Variants in CCDC136 observed in about 807,000 individuals in gnomAD.
The protein encoded by CCDC136 is coiled-coil domain containing 136, also known as coiled-coil domain-containing protein 136.
In CCDC136, 100 loss-of-function variants were observed where a neutral mutation model predicts 141.2. The observed-to-expected ratio is 0.71, with a 90% confidence interval of 0.60 to 0.84. The LOEUF is 0.84. CCDC136 is among the 40% of genes least tolerant of loss of function. The pLI, the probability that CCDC136 is intolerant of heterozygous loss-of-function variation, is 0.00. For synonymous variants in CCDC136, 474 were observed against 531.9 expected, an observed-to-expected ratio of 0.89 and a Z score of 1.50; for missense variants, 1,206 against 1,379.4, an observed-to-expected ratio of 0.87 and a Z score of 1.99.
Position 128,807,495 on chromosome 7 carries a change from C to T in CCDC136, c.1555C>T (p.Leu519Phe), listed in dbSNP as rs1165071082. The change falls in exon 10 of 18, where the codon CTC (leucine) becomes TTC (phenylalanine). Residue 519 changes from leucine (L) to phenylalanine (F), a missense_variant. Physicochemically the swap from Leu to Phe is conservative, Grantham distance 22. Coordinates refer to ENST00000297788, the MANE Select transcript of CCDC136 (RefSeq NM_022742.5). ...LLLCQLELKE[L>F]KASHPIPEDK... is the part of the protein sequence containing the mutation. ...GCTCTGCCAGCTGGAGCTGAAAGAG[C>T]TCAAGGCCTCCCACCCCATTCCGGA... The T allele has an allele frequency of 3.3e-6, 5 of 1,531,372 alleles. No individual in the cohort carries two copies. The highest frequency in any genetic ancestry group is 2.1e-5 in the Admixed American group (1 of 47,952). 94.9% of individuals were successfully genotyped at this position (1,531,372 alleles called of 1,614,324 possible).
intron 10 of CCDC136, among the ~76,000 whole-genome samples, chr7:128,808,156 C>T (rs985701674): frequency 1.1e-4 from 16 of 152,340 alleles, no homozygotes; most frequent in African/African-American, 3.6e-4. Context: ...CCTATCTCAG[C>T]CTCCCAAGTA....
At chr7:128,813,608 C>A (rs1299402457) in intron 14 of CCDC136, among the ~76,000 whole-genome samples, 1 of 152,182 alleles carries the variant, frequency 6.6e-6, no homozygotes, top group Non-Finnish European at 1.5e-5. Context: ...CCAGTACACA[C>A]TTCAGGAGTG....
At chr7:128,806,634 G>C in intron 8 of CCDC136, 54 bp from the exon 9 acceptor site, 1 of 1,524,064 alleles carries the variant, frequency 6.6e-7, no homozygotes, top group Admixed American at 2.0e-5. Flanking sequence ...TCACACAGAA[G>C]AGTGAGTGGG....
Position 128,794,394 on chromosome 7 carries a change from AGAG to A in CCDC136, c.69_71del (p.Glu26del), listed in dbSNP as rs768765556. 2.6e-4 allele frequency: 403 copies of A among 1,554,434 alleles called. 1 individual carries two copies. In the African/African-American group the frequency reaches 4.9e-3, roughly 19 times the overall value. On this transcript the variant is annotated inframe_deletion, in exon 2 of 18. Coordinates refer to ENST00000297788, the MANE Select transcript of CCDC136 (RefSeq NM_022742.5). This position sits in a 1 kb window ranked among gnomAD's most constrained non-coding sequence, Gnocchi z 4.3. ...TCTATGAGGAGGAAGAGGAAGAGGA[AGAG>A]GAGGAAGAAGAGGTGGAAGAAGAAG...
chr7:128,805,558 T>C lies in CCDC136; in HGVS notation c.948+34T>C. 6.4e-7 allele frequency: 1 copy of C among 1,571,582 alleles called. No homozygotes were observed. The highest frequency in any genetic ancestry group is 8.6e-7 in the Non-Finnish European group (1 of 1,157,482). Reference sequence around the variant, plus strand: ...CAGAGGGTGGGGAAGGCAGGCACATTTCTTGTCTTTCTTTCACCTTCTCCC... The same window carrying C: ...CAGAGGGTGGGGAAGGCAGGCACATCTCTTGTCTTTCTTTCACCTTCTCCC... On this transcript the variant is annotated intron_variant, in intron 6 of 17. Transcript: ENST00000297788. This position sits in a 1 kb window ranked among gnomAD's most constrained non-coding sequence, Gnocchi z 4.6.
At chr7:128,816,154 C>A (rs1806597767) in intron 16 of CCDC136, among the ~76,000 whole-genome samples, 1 of 152,258 alleles carries the variant, frequency 6.6e-6, no homozygotes, top group South Asian at 2.1e-4. Flanking sequence ...AACCACCTCA[C>A]AATGACCACC....
At position 128,794,669 on chromosome 7, in the gene CCDC136, G is replaced by A; in HGVS notation, c.272-25G>A. 16 of 1,546,364 alleles carry A rather than the reference G, an allele frequency of 1.0e-5. No homozygotes were observed. The highest frequency in any genetic ancestry group is 1.4e-5 in the Non-Finnish European group (16 of 1,143,976). ...TCTGCACTCCCCTGGATCCGAGCTT[G>A]ACACTGGTGCCCCTCTCCCTGCAGG... On this transcript the variant is annotated intron_variant, in intron 2 of 17. Coordinates refer to ENST00000297788, the MANE Select transcript of CCDC136 (RefSeq NM_022742.5). The surrounding 1 kb of genome is among the most constrained non-coding windows in gnomAD (Gnocchi z 4.3).
At chr7:128,797,216 CAT>C (rs1239834447) in intron 3 of CCDC136, among the ~76,000 whole-genome samples, 1 of 152,210 alleles carries the variant, frequency 6.6e-6, no homozygotes, top group African/African-American at 2.4e-5. Flanking sequence ...CCATTTAAAA[CAT>C]GTTTTCCTCT....
chr7:128,809,317 G>C, intron 10 of CCDC136, 133 bp from the exon 11 acceptor site: 2 of 659,784 alleles, frequency 3.0e-6, no homozygotes, highest in Non-Finnish European at 5.3e-6. Context: ...TTGTGGCTTG[G>C]GGTGACCAGT....
intron 13 of CCDC136, 35 bp downstream of exon 13, chr7:128,812,347 C>G: frequency 6.3e-7 from 1 of 1,587,086 alleles, no homozygotes; most frequent in Non-Finnish European, 8.6e-7. Context: ...AGGCAGGGGA[C>G]GATGGACTCT....
chr7:128,795,424 C>T (rs1284851237), intron 3 of CCDC136, among the ~76,000 whole-genome samples: 1 of 151,884 alleles, frequency 6.6e-6, no homozygotes, highest in African/African-American at 2.4e-5. Context: ...GGGAGCTGCC[C>T]TAGAAAACGG....
At chr7:128,795,966 G>A (rs1332567649) in intron 3 of CCDC136, among the ~76,000 whole-genome samples, 1 of 152,068 alleles carries the variant, frequency 6.6e-6, no homozygotes, top group Non-Finnish European at 1.5e-5. Context: ...GAGAGGAGGT[G>A]GGATGGGAGT....
Position 128,806,354 on chromosome 7 carries a change from A to G in CCDC136, c.1207A>G (p.Lys403Glu), listed in dbSNP as rs767658637. 3.1e-5 allele frequency: 49 copies of G among 1,604,204 alleles called. No homozygotes were observed. Among genetic ancestry groups the G allele is most frequent in the Non-Finnish European group, 4.2e-5 (49 of 1,175,434 alleles). ...ACTTCAGACTGAGCTCCGGCAGCTC[A>G]AAGTCATGAAATCCACACTTGTAGA... ...LQLQTELRQLKVMKSTLVENQ... is the reference protein window; with the variant it reads ...LQLQTELRQLEVMKSTLVENQ... The change falls in exon 8 of 18, where the codon AAA becomes GAA. Residue 403 changes from lysine to glutamate, a missense_variant. Physicochemically the swap from Lys to Glu is moderately conservative, Grantham distance 56. Coordinates refer to ENST00000297788, the MANE Select transcript of CCDC136 (RefSeq NM_022742.5).
chr7:128,801,969 C>A (rs537751201), intron 4 of CCDC136, among the ~76,000 whole-genome samples: 3 of 152,196 alleles, frequency 2.0e-5, no homozygotes, highest in Admixed American at 6.5e-5. Context: ...CTAGGATGGG[C>A]AAAGAGGGAC....
At position 128,794,200 on chromosome 7, in the gene CCDC136, G is replaced by A. The variant is rs1585045650; in HGVS notation, c.17-148G>A. On this transcript the variant is annotated intron_variant, in intron 1 of 17. Transcript: ENST00000297788. The surrounding 1 kb of genome is among the most constrained non-coding windows in gnomAD (Gnocchi z 4.3). ...TCTCACACCTGAGGACTCATCTTGA[G>A]TACAGGTCTTGCCCCGGGGCTCCTT... 1.9e-6 allele frequency: 2 copies of A among 1,034,048 alleles called. No individual in the cohort carries two copies. The highest frequency in any genetic ancestry group is 2.9e-6 in the Non-Finnish European group (2 of 685,082). The allele number at this position is 1,034,048 out of a possible 1,614,324, so 64.1% of individuals were successfully genotyped here. A position where few individuals can be genotyped will look rare whatever the true frequency, so the allele number is the denominator to read the frequency against.
In CCDC136 at chr7:128,805,309, A is replaced by G. The variant is rs1489506939; in HGVS notation, c.783-50A>G. The G allele has an allele frequency of 1.9e-6, 3 of 1,561,560 alleles. No individual in the cohort carries two copies. The highest frequency in any genetic ancestry group is 2.6e-6 in the Non-Finnish European group (3 of 1,137,642). ...CAGGACAAAGCCTGCATGGCTGGTG[A>G]TGCCAGGCAGAACTCCCTTCAAGCA... On this transcript the variant is annotated intron_variant, in intron 5 of 17. Coordinates refer to ENST00000297788, the MANE Select transcript of CCDC136 (RefSeq NM_022742.5). The surrounding 1 kb of genome is among the most constrained non-coding windows in gnomAD (Gnocchi z 4.6).
chr7:128,813,949 T>G (rs1806169572), intron 14 of CCDC136, among the ~76,000 whole-genome samples: 1 of 151,418 alleles, frequency 6.6e-6, no homozygotes. Flanking sequence ...GCCATTGCAC[T>G]CCAGCCTGGG....
In CCDC136 at chr7:128,817,884, TC is replaced by T; in HGVS notation, c.*5+22del. 6.3e-7 allele frequency: 1 copy of T among 1,580,642 alleles called. No individual in the cohort carries two copies. The highest frequency in any genetic ancestry group is 8.7e-7 in the Non-Finnish European group (1 of 1,149,640). On this transcript the variant is annotated intron_variant, in intron 17 of 17. Transcript: ENST00000297788. This position sits in a 1 kb window ranked among gnomAD's most constrained non-coding sequence, Gnocchi z 4.6. Reference sequence around the variant, plus strand: ...ATGCAGGTACTGGTATTGCTTCCTCTCCTTCTGAGGGATAGAGGGAGGGTGC... The same window carrying T: ...ATGCAGGTACTGGTATTGCTTCCTCTCTTCTGAGGGATAGAGGGAGGGTGC...
At chr7:128,792,569 G>T (rs776154433) in intron 1 of CCDC136, 142 bp downstream of exon 1, 12 of 629,640 alleles carry the variant, frequency 1.9e-5, no homozygotes, top group Non-Finnish European at 3.3e-5. Context: ...GCAGCTCAGA[G>T]CTCCAGCCCT....
Sources: allele counts gnomAD v4.1 joint callset (sites outside exome capture counted in the v4.1 genomes callset), GRCh38; gene constraint gnomAD v4.1.1; non-coding constraint Gnocchi (gnomAD v3.1); transcripts MANE v1.5; gene names NCBI Gene and HGNC (gene_info 2026-07-23, HGNC 2026-07-21).